Variants in MYO3B observed in about 807,000 individuals in gnomAD.
MYO3B encodes the protein myosin IIIB, also known as myosin-IIIb.
A neutral mutation model predicts 174.6 loss-of-function variants in MYO3B; 156 were observed. The observed-to-expected ratio is 0.89, with a 90% CI of 0.78 to 1.02. The LOEUF (loss-of-function observed/expected upper bound fraction) is 1.02. Among genes scored for constraint, MYO3B ranks in the 50% least tolerant of loss-of-function variants. MYO3B has a pLI of 0.00. For synonymous variants in MYO3B, 563 were observed against 569.1 expected (o/e 0.99, Z 0.15); for missense variants, 1,632 against 1,639.4 (o/e 1.00, Z 0.08).
intron 1 of MYO3B, among the ~76,000 whole-genome samples, chr2:170,196,561 A>G (rs1339468509): frequency 6.6e-6 from 1 of 152,136 alleles, no homozygotes; most frequent in Non-Finnish European, 1.5e-5. Flanking sequence ...TTCTTAATAA[A>G]TCCTTACTGA....
At chr2:170,213,367 G>C (rs185551126) in intron 3 of MYO3B, among the ~76,000 whole-genome samples, 2 of 152,294 alleles carry the variant, frequency 1.3e-5, no homozygotes, top group Admixed American at 6.5e-5. Context: ...TGACCAAGCA[G>C]GGGGTACGTG....
At chr2:170,199,107 C>A in intron 1 of MYO3B, 101 bp from the exon 2 acceptor site, 1 of 742,072 alleles carries the variant, frequency 1.3e-6, no homozygotes, top group Non-Finnish European at 2.0e-6. Context: ...TAAAAAGTAA[C>A]ATGAGGTTGC....
chr2:170,591,132 T>C (rs2110733), intron 32 of MYO3B, among the ~76,000 whole-genome samples: 32,920 of 152,104 alleles, frequency 0.22, 5,035 homozygotes, highest in African/African-American at 0.44. Context: ...GCCTCAGGTG[T>C]AGGTAATTTT....
intron 7 of MYO3B, among the ~76,000 whole-genome samples, chr2:170,256,520 TC>T (rs2093306068): frequency 1.3e-5 from 2 of 152,166 alleles, no homozygotes; most frequent in African/African-American, 4.8e-5. Context: ...ACCAAGAATT[TC>T]ATATACCACC....
Position 170,470,722 on chromosome 2 carries a change from C to A in MYO3B, c.3014+4011C>A, listed in dbSNP as rs146405169. Among the ~76,000 whole-genome samples the A allele has an allele frequency of 1.2e-3, 187 of 152,268 alleles. 6 individuals are homozygous for A. The East Asian group carries it at 0.032, about 26-fold the overall frequency. On this transcript the variant is annotated intron_variant, in intron 25 of 34. Transcript: ENST00000408978. ...TATGAGAGTCCCAATTTTTCCACAT[C>A]GTCTCCAACATTTATTATTGTTTGT...
intron 32 of MYO3B, among the ~76,000 whole-genome samples, chr2:170,576,642 T>C (rs2355827): frequency 0.63 from 95,785 of 152,098 alleles, 30,760 homozygotes; most frequent in Admixed American, 0.69. Flanking sequence ...TTAATGTTCT[T>C]GTGTGTACAT....
At chr2:170,601,644 T>A in intron 32 of MYO3B, 1 of 1,331,450 alleles carries the variant, frequency 7.5e-7, no homozygotes, top group Middle Eastern at 2.6e-4. Flanking sequence ...TTCCTCCTCA[T>A]AATCCTCTTC....
intron 8 of MYO3B, chr2:170,341,397 T>A (rs555402396): frequency 6.6e-6 from 1 of 152,360 alleles, no homozygotes; most frequent in South Asian, 2.1e-4. Flanking sequence ...TCTTGTCGGA[T>A]TCTCAGGAGG....
chr2:170,371,690 G>GA (rs35716471), intron 9 of MYO3B, among the ~76,000 whole-genome samples: 31,343 of 142,288 alleles, frequency 0.22, 3,441 homozygotes, highest in Middle Eastern at 0.32. Flanking sequence ...AGTTAAAGCA[G>GA]AAAAAAAAAA....
chr2:170,237,119 C>A (rs1574632865), intron 7 of MYO3B, among the ~76,000 whole-genome samples: 1 of 152,182 alleles, frequency 6.6e-6, no homozygotes, highest in South Asian at 2.1e-4. Flanking sequence ...AGTCTTTTTG[C>A]CTTTTTCGAA....
chr2:170,621,611 G>A (rs1490210909), intron 32 of MYO3B, among the ~76,000 whole-genome samples: 1 of 151,728 alleles, frequency 6.6e-6, no homozygotes, highest in African/African-American at 2.4e-5. Context: ...CCAGGTTCAA[G>A]TGATTCTTCT....
At chr2:170,256,079 CA>C (rs1202718223) in intron 7 of MYO3B, among the ~76,000 whole-genome samples, 1 of 151,964 alleles carries the variant, frequency 6.6e-6, no homozygotes, top group Non-Finnish European at 1.5e-5. Flanking sequence ...CCCAGTTAGA[CA>C]AAAATAAAGA....
At chr2:170,224,498 G>A (rs1038255045) in intron 6 of MYO3B, among the ~76,000 whole-genome samples, 2 of 152,128 alleles carry the variant, frequency 1.3e-5, no homozygotes, top group African/African-American at 4.8e-5. Context: ...ACAAAGACAC[G>A]CAGAGATATA....
intron 1 of MYO3B, among the ~76,000 whole-genome samples, chr2:170,182,959 T>TA (rs1388853236): frequency 1.8e-4 from 26 of 146,964 alleles, no homozygotes; most frequent in Admixed American, 4.8e-4. Context: ...GTCAAATTCT[T>TA]AAAAAAAAAC....
chr2:170,618,299 T>C (rs925634556), intron 32 of MYO3B, among the ~76,000 whole-genome samples: 3 of 152,112 alleles, frequency 2.0e-5, no homozygotes, highest in African/African-American at 4.8e-5. Context: ...CCAATATGTA[T>C]AGTTTTTAAC....
At chr2:170,569,518 G>GT (rs60318428) in intron 32 of MYO3B, among the ~76,000 whole-genome samples, 40,267 of 136,518 alleles carry the variant, frequency 0.29, 6,180 homozygotes, top group East Asian at 0.72. Flanking sequence ...ACTGGGCTGA[G>GT]TTTTTTTTTT....
intron 23 of MYO3B, among the ~76,000 whole-genome samples, chr2:170,445,961 A>G (rs1007076276): frequency 1.3e-4 from 19 of 150,304 alleles, no homozygotes; most frequent in Non-Finnish European, 2.4e-4. Context: ...GGTCGGGGGC[A>G]GCATTTTAAA....
rs2092428227 is a variant in MYO3B at position 170,183,448 on chromosome 2, ACT to A, written c.2+5164_2+5165del. Among the ~76,000 whole-genome samples the A allele has an allele frequency of 2.0e-5, 3 of 151,970 alleles. No homozygotes were observed. In the South Asian group the frequency reaches 6.2e-4, roughly 32 times the overall value. ...CGTTAGGTTTAGCTTTGGGCATTTTACTCTCTTTAATTCCTATTAAAATGCTA... is the reference window on the plus strand; with the variant it reads ...CGTTAGGTTTAGCTTTGGGCATTTTACTCTTTAATTCCTATTAAAATGCTA... On this transcript the variant is annotated intron_variant, in intron 1 of 34. Transcript: ENST00000408978.
intron 22 of MYO3B, among the ~76,000 whole-genome samples, chr2:170,426,635 A>G (rs1265180506): frequency 6.6e-6 from 1 of 151,672 alleles, no homozygotes; most frequent in Non-Finnish European, 1.5e-5. Flanking sequence ...TCTTTTCTTT[A>G]TTGTCTATGT....
Sources: gnomAD v4.1 joint callset for allele counts (sites outside exome capture counted in the v4.1 genomes callset) on GRCh38, gnomAD v4.1.1 for gene constraint, MANE v1.5 for transcripts, NCBI Gene and HGNC (gene_info 2026-07-23, HGNC 2026-07-21) for gene names.